NKAIN3: variants seen among roughly 807,000 people sequenced by gnomAD.
The protein encoded by NKAIN3 is sodium/potassium-transporting ATPase subunit beta-1-interacting protein 3.
NKAIN3 carries 25 observed loss-of-function variants against 30.2 expected under a neutral mutation model. The ratio of observed to expected loss-of-function variants is 0.83; its 90% CI spans 0.60 to 1.16. The LOEUF is 1.16. Among genes scored for constraint, NKAIN3 ranks in the 50% most tolerant of loss-of-function variants. The probability of loss-of-function intolerance (pLI) is 0.00; values close to 1 mark genes in which losing one functional copy is unlikely to be tolerated. For synonymous variants in NKAIN3, 91 were observed against 89.6 expected (o/e 1.02, Z -0.09); for missense variants, 225 against 254.1 (o/e 0.89, Z 0.78).
chr8:62,890,252 T>TA (rs1173055883), intron 4 of NKAIN3, among the ~76,000 whole-genome samples: 1 of 152,228 alleles, frequency 6.6e-6, no homozygotes, highest in Non-Finnish European at 1.5e-5. Flanking sequence ...GAAGCATTTT[T>TA]ATGCTCTCTG....
Position 62,977,282 on chromosome 8 carries a change from T to C in NKAIN3, c.*11875T>C, listed in dbSNP as rs76946874. The stretch of plus-strand genomic sequence containing the variant: ...AAGTTCTCCTGGATTATATCCTAAA[T>C]TGTGCTTTCCAACTTGATTCCATTC... On this transcript the variant is annotated 3_prime_UTR_variant, in exon 7 of 7. Transcript: ENST00000623646. Among the ~76,000 whole-genome samples the C allele has an allele frequency of 0.074, 11,293 of 152,182 alleles. 681 individuals are homozygous for C. The highest frequency in any genetic ancestry group is 0.3 in the East Asian group (1,563 of 5,140).
chr8:62,257,945 A>G (rs1395144745), intron 1 of NKAIN3, among the ~76,000 whole-genome samples: 1 of 152,118 alleles, frequency 6.6e-6, no homozygotes, highest in African/African-American at 2.4e-5. Flanking sequence ...AGAATAATCT[A>G]TATCATAAGA....
At chr8:62,985,884 C>T (rs1824190311), downstream of NKAIN3, among the ~76,000 whole-genome samples, 1 of 152,198 alleles carries the variant, frequency 6.6e-6, no homozygotes, top group African/African-American at 2.4e-5. Context: ...ACTCCAGATT[C>T]TACTCTTAGA....
intron 4 of NKAIN3, among the ~76,000 whole-genome samples, chr8:62,818,832 G>A (rs1377629462): frequency 6.6e-6 from 1 of 151,944 alleles, no homozygotes; most frequent in Non-Finnish European, 1.5e-5. Context: ...GGTAAGGAGG[G>A]ATTTTTCAGA....
intron 5 of NKAIN3, among the ~76,000 whole-genome samples, chr8:62,921,344 T>G (rs939052474): frequency 6.6e-6 from 1 of 152,172 alleles, no homozygotes; most frequent in Non-Finnish European, 1.5e-5. Context: ...TTATTCAAAA[T>G]GCAAAGTTAA....
chr8:62,810,068 CT>C lies in NKAIN3; in HGVS notation c.471+62940del, dbSNP rs559253415. Among the ~76,000 whole-genome samples the C allele has an allele frequency of 5.9e-5, 9 of 152,222 alleles. No individual in the cohort carries two copies. In the South Asian group the frequency reaches 1.9e-3, roughly 32 times the overall value. ...CAGACCTTGAAGCCCCAACATGCCC[CT>C]GAGGACTGAGCAAGCCGCTCTTCTT... On this transcript the variant is annotated intron_variant, in intron 4 of 6. Coordinates refer to ENST00000623646, the MANE Select transcript of NKAIN3 (RefSeq NM_001304533.3).
intron 4 of NKAIN3, among the ~76,000 whole-genome samples, chr8:62,889,792 G>C (rs762795343): frequency 6.6e-6 from 1 of 152,138 alleles, no homozygotes; most frequent in Non-Finnish European, 1.5e-5. Context: ...GCCAGGATTC[G>C]GAGAGGAGAA....
intron 1 of NKAIN3, among the ~76,000 whole-genome samples, chr8:62,562,838 G>C (rs1426031141): frequency 6.6e-6 from 1 of 152,112 alleles, no homozygotes. Context: ...GTACTTTAAA[G>C]AGACTTTTTA....
chr8:62,498,388 C>T (rs764076969), intron 1 of NKAIN3, among the ~76,000 whole-genome samples: 10 of 152,024 alleles, frequency 6.6e-5, no homozygotes, highest in Non-Finnish European at 1.3e-4. Flanking sequence ...TTCTCTTCAT[C>T]TCATTCCCTA....
chr8:62,363,792 T>C (rs6472011), intron 1 of NKAIN3, among the ~76,000 whole-genome samples: 147,591 of 152,250 alleles, frequency 0.97, 71,596 homozygotes, highest in East Asian at 1. Flanking sequence ...ACATTTATCA[T>C]AAATTCTGTT....
At chr8:62,404,495 G>T (rs1249437198) in intron 1 of NKAIN3, among the ~76,000 whole-genome samples, 1 of 152,132 alleles carries the variant, frequency 6.6e-6, no homozygotes, top group Non-Finnish European at 1.5e-5. Flanking sequence ...ATGATAATGA[G>T]TAAGTTTTCA....
At chr8:62,862,160 A>C (rs934100586) in intron 4 of NKAIN3, among the ~76,000 whole-genome samples, 1 of 152,228 alleles carries the variant, frequency 6.6e-6, no homozygotes, top group Non-Finnish European at 1.5e-5. Flanking sequence ...TGTATTTTAA[A>C]GCAGTAAAAA....
chr8:62,395,864 G>T (rs2129594923), intron 1 of NKAIN3, among the ~76,000 whole-genome samples: 1 of 152,206 alleles, frequency 6.6e-6, no homozygotes, highest in Non-Finnish European at 1.5e-5. Context: ...AAAAGTAGTT[G>T]CATAGCTATT....
At chr8:62,315,544 C>T (rs968244863) in intron 1 of NKAIN3, among the ~76,000 whole-genome samples, 5 of 152,042 alleles carry the variant, frequency 3.3e-5, no homozygotes, top group Non-Finnish European at 7.4e-5. Flanking sequence ...AGCTTCAATA[C>T]CTAAAATGTA....
chr8:62,994,197 A>G (rs570163996), intron 5 of NKAIN3, among the ~76,000 whole-genome samples: 1 of 152,208 alleles, frequency 6.6e-6, no homozygotes, highest in Non-Finnish European at 1.5e-5. Context: ...GTAAGAAAAG[A>G]TTAGAAACAA....
intron 5 of NKAIN3, among the ~76,000 whole-genome samples, chr8:62,994,033 A>T (rs186723998): frequency 2.3e-3 from 348 of 152,314 alleles, no homozygotes; most frequent in Non-Finnish European, 1.4e-3. Context: ...GGAAGACTTT[A>T]AATTGGAATA....
intron 1 of NKAIN3, among the ~76,000 whole-genome samples, chr8:62,334,709 T>C (rs962678519): frequency 6.6e-6 from 1 of 152,108 alleles, no homozygotes; most frequent in African/African-American, 2.4e-5. Context: ...ATCAGGATTC[T>C]GTGGGTCAAA....
At chr8:62,875,859 C>G (rs984181070) in intron 4 of NKAIN3, among the ~76,000 whole-genome samples, 2 of 151,930 alleles carry the variant, frequency 1.3e-5, no homozygotes, top group African/African-American at 2.4e-5. Context: ...ATGTAAAATT[C>G]AAAACCATAA....
At chr8:62,455,076 A>T (rs1805771175) in intron 1 of NKAIN3, among the ~76,000 whole-genome samples, 2 of 152,252 alleles carry the variant, frequency 1.3e-5, no homozygotes, top group Admixed American at 6.5e-5. Context: ...CAGAAAGATG[A>T]GTCCTGTGTC....
Sources: allele counts gnomAD v4.1 joint callset (sites outside exome capture counted in the v4.1 genomes callset), GRCh38; gene constraint gnomAD v4.1.1; transcripts MANE v1.5; gene names NCBI Gene and HGNC (gene_info 2026-07-23, HGNC 2026-07-21).